The following ARMC3 variants were observed in gnomAD, a reference collection of about 807,000 sequenced individuals.
The protein encoded by ARMC3 is armadillo repeat-containing protein 3.
ARMC3 carries 74 observed loss-of-function variants against 90.3 expected under a neutral mutation model. That is an observed-to-expected ratio of 0.82 (90% CI 0.68 to 0.99). The LOEUF (loss-of-function observed/expected upper bound fraction) is 0.99. ARMC3 is among the 50% of genes least tolerant of loss of function. ARMC3 has a pLI of 0.00. For missense variants in ARMC3, 958 were observed against 1,042.8 expected (o/e 0.92, Z 1.12); for synonymous variants, 334 against 361.8 (o/e 0.92, Z 0.87).
chr10:22,971,155 A>C (rs1049291740), intron 8 of ARMC3, among the ~76,000 whole-genome samples: 1 of 152,172 alleles, frequency 6.6e-6, no homozygotes, highest in African/African-American at 2.4e-5. Flanking sequence ...TCCTTTTGCA[A>C]ATGCATAGCA....
intron 16 of ARMC3, among the ~76,000 whole-genome samples, chr10:23,010,459 CT>C (rs1564393746): frequency 1.9e-4 from 1 of 5,322 alleles, no homozygotes; most frequent in Non-Finnish European, 6.4e-4. Context: ...CCTTTCCCTC[CT>C]CCCTCCTTCC....
intron 10 of ARMC3, among the ~76,000 whole-genome samples, chr10:22,990,592 G>T (rs542203515): frequency 1.3e-5 from 2 of 152,224 alleles, no homozygotes; most frequent in East Asian, 3.9e-4. Flanking sequence ...GTCCTATGGG[G>T]GAAGGAATAT....
Position 22,959,496 on chromosome 10 carries a change from G to A in ARMC3, c.459G>A (p.Glu153=). 1 of 1,614,048 alleles carries A rather than the reference G, an allele frequency of 6.2e-7. No individual in the cohort carries two copies. Among genetic ancestry groups the A allele is most frequent in the Non-Finnish European group, 8.5e-7 (1 of 1,179,980 alleles). ...KVQIFEHGGL[E]PLIRLLSSPD... ...AAATATTTGAACATGGGGGATTAGA[G>A]CCACTCATCAGACTACTGAGTAGCC... Residue 153 remains glutamate, a synonymous_variant, in exon 6 of 19, where the codon GAG becomes GAA. Transcript: ENST00000298032.
chr10:22,929,953 T>G (rs868197843), intron 1 of ARMC3, among the ~76,000 whole-genome samples: 5 of 152,234 alleles, frequency 3.3e-5, no homozygotes, highest in South Asian at 4.1e-4. Context: ...CACTATGCAA[T>G]TGCTCAAAAA....
intron 10 of ARMC3, among the ~76,000 whole-genome samples, chr10:22,984,479 T>C (rs1422495220): frequency 6.6e-6 from 1 of 152,180 alleles, no homozygotes; most frequent in Non-Finnish European, 1.5e-5. Context: ...TTAAAATCTT[T>C]TTGTAATCTA....
At chr10:23,018,003 G>A (rs528065787) in intron 16 of ARMC3, among the ~76,000 whole-genome samples, 5 of 152,306 alleles carry the variant, frequency 3.3e-5, no homozygotes, top group Non-Finnish European at 7.4e-5. Context: ...CTAATGTCAC[G>A]GAGAGCAGTG....
chr10:23,008,656 G>A (rs184101236), intron 15 of ARMC3, among the ~76,000 whole-genome samples, 159 bp from the exon 16 acceptor site: 48 of 152,246 alleles, frequency 3.2e-4, no homozygotes, highest in South Asian at 1.0e-3. Flanking sequence ...AAATAACACC[G>A]GGTCCCTGGC....
At position 23,005,211 on chromosome 10, in the gene ARMC3, CAAAAAAAAAAAA is replaced by C. The variant is rs35706584; in HGVS notation, c.1732-1662_1732-1651del. ...CTGGGCGACAGAGCTAGACTCGTCT[CAAAAAAAAAAAA>C]AAAAAAAAAACCAAACCAAGGGGGG... On this transcript the variant is annotated intron_variant, in intron 13 of 18. Transcript: ENST00000298032. 7.2e-3 allele frequency among the ~76,000 whole-genome samples: 439 copies of C among 60,974 alleles called. 1 individual carries two copies. Among genetic ancestry groups the C allele is most frequent in the African/African-American group, 0.022 (423 of 19,204 alleles). The allele number at this position is 60,974 out of a possible 152,430, so 40.0% of individuals were successfully genotyped here.
chr10:22,929,313 AAAG>A (rs1245572327), intron 1 of ARMC3, among the ~76,000 whole-genome samples: 2 of 128,300 alleles, frequency 1.6e-5, no homozygotes, highest in African/African-American at 7.3e-5. Context: ...AGAAAAAGAA[AAAG>A]AAAGGAAAGG....
At chr10:22,997,197 A>G (rs868157505) in intron 10 of ARMC3, 7 of 152,150 alleles carry the variant, frequency 4.6e-5, no homozygotes, top group African/African-American at 9.7e-5. Context: ...AAAATGCTCT[A>G]ATTTTTATTT....
intron 13 of ARMC3, among the ~76,000 whole-genome samples, chr10:23,005,018 C>T (rs1054781870): frequency 6.6e-6 from 1 of 151,910 alleles, no homozygotes; most frequent in African/African-American, 2.4e-5. Flanking sequence ...TCGAGACCAT[C>T]CTGGCTAACA....
intron 16 of ARMC3, among the ~76,000 whole-genome samples, chr10:23,026,116 C>T (rs12784450): frequency 0.067 from 10,212 of 152,056 alleles, 379 homozygotes; most frequent in South Asian, 0.088. Flanking sequence ...ATCTCTTGAT[C>T]CAGATAGTTT....
chr10:23,002,009 G>A lies in ARMC3; in HGVS notation c.1516G>A (p.Val506Ile). 1.2e-6 allele frequency: 2 copies of A among 1,613,928 alleles called. No individual in the cohort carries two copies. Among genetic ancestry groups the A allele is most frequent in the Non-Finnish European group, 1.7e-6 (2 of 1,179,846 alleles). The stretch of plus-strand genomic sequence containing the variant: ...GAAGCACGCCAGTTGGGCAGTGATG[G>A]TCTGTGCTGGTGACGAGCTGACGGC... ...VRKHASWAVM[V>I]CAGDELTANE... is the part of the protein sequence containing the mutation. Residue 506 changes from valine (V) to isoleucine (I), a missense_variant, in exon 12 of 19, where the codon GTC (valine) becomes ATC (isoleucine). Val to Ile is a conservative substitution (Grantham distance 29). Coordinates refer to ENST00000298032, the MANE Select transcript of ARMC3 (RefSeq NM_173081.5).
intron 2 of ARMC3, among the ~76,000 whole-genome samples, chr10:22,937,122 C>T (rs950596384): frequency 9.2e-5 from 14 of 152,018 alleles, no homozygotes; most frequent in East Asian, 7.7e-4. Flanking sequence ...AGGCTGGTCT[C>T]GAACTCCTGG....
chr10:23,020,840 C>A (rs766658448), intron 16 of ARMC3, among the ~76,000 whole-genome samples: 2 of 152,108 alleles, frequency 1.3e-5, no homozygotes, highest in Non-Finnish European at 2.9e-5. Context: ...GGTACAGGTG[C>A]AGGTTTGCTA....
chr10:22,981,273 G>T, intron 8 of ARMC3, 67 bp from the exon 9 acceptor site: 1 of 1,398,480 alleles, frequency 7.2e-7, no homozygotes, highest in East Asian at 2.3e-5. Context: ...CTTTGGATGG[G>T]AAAGTAGTAA....
intron 18 of ARMC3, among the ~76,000 whole-genome samples, chr10:23,034,196 A>T (rs748136091): frequency 6.6e-6 from 1 of 150,986 alleles, no homozygotes; most frequent in African/African-American, 2.4e-5. Flanking sequence ...TGCCTGCTCT[A>T]TCAATTCTTC....
chr10:22,997,142 A>C (rs567500577), intron 10 of ARMC3: 1 of 152,324 alleles, frequency 6.6e-6, no homozygotes, highest in Admixed American at 6.5e-5. Flanking sequence ...TATTTATAGC[A>C]ATTCCAAACA....
intron 16 of ARMC3, among the ~76,000 whole-genome samples, chr10:23,014,827 A>G (rs116340727): frequency 0.012 from 1,680 of 145,094 alleles, 36 homozygotes; most frequent in African/African-American, 0.041. Flanking sequence ...GAGGAGGGAG[A>G]GGATTAGGAA....
Sources: gnomAD v4.1 joint callset for allele counts (sites outside exome capture counted in the v4.1 genomes callset) on GRCh38, gnomAD v4.1.1 for gene constraint, MANE v1.5 for transcripts, NCBI Gene and HGNC (gene_info 2026-07-23, HGNC 2026-07-21) for gene names.